VWCE: variants seen among roughly 807,000 people sequenced by gnomAD.
VWCE encodes the protein von Willebrand factor C and EGF domains.
In VWCE, 68 loss-of-function variants were observed where a neutral mutation model predicts 102.9. The ratio of observed to expected loss-of-function variants is 0.66; its 90% confidence interval spans 0.54 to 0.81. VWCE has a LOEUF of 0.81. Among genes scored for constraint, VWCE ranks in the 30% least tolerant of loss-of-function variants. VWCE has a pLI of 0.00. For missense variants in VWCE, 1,137 were observed against 1,263.6 expected, an observed-to-expected ratio of 0.90 and a Z score of 1.52; for synonymous variants, 497 against 515.4, an observed-to-expected ratio of 0.96 and a Z score of 0.48.
intron 9 of VWCE, among the ~76,000 whole-genome samples, chr11:61,279,133 C>A (rs576961840): frequency 6.6e-6 from 1 of 151,970 alleles, no homozygotes; most frequent in Non-Finnish European, 1.5e-5. Context: ...CTCTCTAGTA[C>A]CCAGATTGTC....
chr11:61,292,429 T>C (rs1248990179), intron 1 of VWCE, among the ~76,000 whole-genome samples: 2 of 152,182 alleles, frequency 1.3e-5, no homozygotes, highest in African/African-American at 4.8e-5. Context: ...TACAACTCCC[T>C]GATGACAAGG....
chr11:61,292,464 C>T (rs952415198), intron 1 of VWCE, among the ~76,000 whole-genome samples: 6 of 152,142 alleles, frequency 3.9e-5, no homozygotes, highest in Admixed American at 6.5e-5. Flanking sequence ...TACCCCAGCA[C>T]GTACAGGAGT....
intron 9 of VWCE, 56 bp downstream of exon 9, chr11:61,280,568 A>C: frequency 6.4e-7 from 1 of 1,562,340 alleles, no homozygotes; most frequent in Non-Finnish European, 8.8e-7. Context: ...TGGCTGCAGG[A>C]GGGTGCAGAG....
chr11:61,291,197 A>G (rs948873131), intron 3 of VWCE, 67 bp downstream of exon 3: 1 of 1,433,410 alleles, frequency 7.0e-7, no homozygotes, highest in Non-Finnish European at 9.3e-7. Context: ...TCAAGTGCCC[A>G]CTGCCCAGGA....
Position 61,281,806 on chromosome 11 carries a change from G to A in VWCE, c.767C>T (p.Ala256Val), listed in dbSNP as rs2049746887. ...CTCACCTTCACAGGACACGCGGTCA[G>A]CTCGGAGCCTGAAGCCAGGTCGGCA... is the stretch of plus-strand genomic sequence containing the variant. ...CTCRPGFRLR[A>V]DRVSCEAFPK... The change falls in exon 7 of 20, where the codon GCT (alanine) becomes GTT (valine). Residue 256 changes from alanine (A) to valine (V), a missense_variant. Ala to Val is a moderately conservative substitution (Grantham distance 64, BLOSUM62 0). Transcript: ENST00000335613. 6.2e-7 allele frequency: 1 copy of A among 1,613,638 alleles called. No homozygotes were observed. Among genetic ancestry groups the A allele is most frequent in the Non-Finnish European group, 8.5e-7 (1 of 1,179,766 alleles).
intron 14 of VWCE, among the ~76,000 whole-genome samples, chr11:61,270,867 G>A (rs1854671067): frequency 7.9e-6 from 1 of 126,822 alleles, no homozygotes; most frequent in African/African-American, 3.1e-5. Flanking sequence ...TTTCTCTTCT[G>A]CCCAGGCTGG....
chr11:61,282,867 A>ATC lies in VWCE; in HGVS notation c.578_579dup (p.Cys194AspfsTer27). On this transcript the variant is annotated frameshift_variant, in exon 6 of 20. Transcript: ENST00000335613. LOFTEE classifies it high-confidence loss of function. The stretch of plus-strand genomic sequence containing the variant: ...TTGTAGCTGCCAATGCTGTTTTTAC[A>ATC]TCTCTGCTGACAGGGAGTCCCTAGG... 6.2e-7 allele frequency: 1 copy of ATC among 1,614,180 alleles called. No homozygotes were observed. Among genetic ancestry groups the ATC allele is most frequent in the East Asian group, 2.2e-5 (1 of 44,876 alleles).
At chr11:61,275,379 G>A (rs1854872137) in intron 11 of VWCE, among the ~76,000 whole-genome samples, 1 of 151,992 alleles carries the variant, frequency 6.6e-6, no homozygotes, top group African/African-American at 2.4e-5. Flanking sequence ...AATGACTTTG[G>A]GCAACACACT....
At chr11:61,290,658 C>G (rs1027797427) in intron 4 of VWCE, 141 bp downstream of exon 4, 13 of 925,336 alleles carry the variant, frequency 1.4e-5, no homozygotes, top group South Asian at 1.8e-5. Flanking sequence ...TCTCATGTCT[C>G]TCTGCCCACT....
chr11:61,280,450 A>G (rs1033353625), intron 9 of VWCE, among the ~76,000 whole-genome samples, 174 bp downstream of exon 9: 3 of 152,284 alleles, frequency 2.0e-5, no homozygotes, highest in Admixed American at 2.0e-4. Flanking sequence ...TTCTGGCCCT[A>G]TCCCAGACCT....
At chr11:61,272,354 C>CT (rs1854742644) in intron 13 of VWCE, among the ~76,000 whole-genome samples, 1 of 151,956 alleles carries the variant, frequency 6.6e-6, no homozygotes, top group South Asian at 2.1e-4. Context: ...CACAGACACA[C>CT]TCATAGAATC....
At chr11:61,288,881 C>T (rs1032435079) in intron 4 of VWCE, among the ~76,000 whole-genome samples, 4 of 148,816 alleles carry the variant, frequency 2.7e-5, no homozygotes, top group African/African-American at 1.0e-4. Context: ...CTCTGTCACT[C>T]AGGCTGGAGT....
chr11:61,285,624 C>A (rs939900594), intron 5 of VWCE, among the ~76,000 whole-genome samples: 4 of 152,200 alleles, frequency 2.6e-5, no homozygotes, highest in Admixed American at 6.5e-5. Flanking sequence ...CCTCGGGACT[C>A]ATGGCCTGAG....
rs773267763 is a variant in VWCE at position 61,271,664 on chromosome 11, T to C, written c.1785+11A>G. 3 of 1,607,960 alleles carry C rather than the reference T, an allele frequency of 1.9e-6. No individual in the cohort carries two copies. The Admixed American group carries it at 5.1e-5, about 27-fold the overall frequency. On this transcript the variant is annotated intron_variant, in intron 14 of 19. Transcript: ENST00000335613. ...GGTAAAGCAGCTGAAGGCGAGCAGG[T>C]TGTCATTCACCTGGCAGATGCATAA... is the stretch of plus-strand genomic sequence containing the variant.
chr11:61,285,606 C>T (rs987017459), intron 5 of VWCE, among the ~76,000 whole-genome samples: 8 of 152,152 alleles, frequency 5.3e-5, no homozygotes, highest in African/African-American at 1.9e-4. Context: ...TATGCCCCTC[C>T]CATGGCTCCT....
chr11:61,288,127 A>G (rs1024295540), intron 4 of VWCE, among the ~76,000 whole-genome samples: 4 of 142,868 alleles, frequency 2.8e-5, no homozygotes, highest in Admixed American at 6.9e-5. Flanking sequence ...ACTGCACTCC[A>G]GCCTAGCAAC....
At chr11:61,264,618 T>C (rs762690379) in intron 18 of VWCE, 41 bp from the exon 19 acceptor site, 3 of 1,567,702 alleles carry the variant, frequency 1.9e-6, no homozygotes, top group African/African-American at 2.7e-5. Flanking sequence ...GCCCAGAGCA[T>C]CTTGCCTGCC....
chr11:61,260,262 T>C (rs1854312838), intron 19 of VWCE, among the ~76,000 whole-genome samples: 2 of 151,990 alleles, frequency 1.3e-5, no homozygotes, highest in Non-Finnish European at 2.9e-5. Flanking sequence ...TTCACCAAAA[T>C]TTAAAAAAAG....
intron 16 of VWCE, among the ~76,000 whole-genome samples, chr11:61,267,119 G>A (rs1373749767): frequency 2.6e-5 from 4 of 152,130 alleles, no homozygotes; most frequent in Admixed American, 6.5e-5. Flanking sequence ...TTAGCCAGGC[G>A]TGGTGGTGCA....
Sources: allele counts gnomAD v4.1 joint callset (sites outside exome capture counted in the v4.1 genomes callset), GRCh38; gene constraint gnomAD v4.1.1; transcripts MANE v1.5; gene names NCBI Gene and HGNC (gene_info 2026-07-23, HGNC 2026-07-21).